Variants in GRID2 observed in about 807,000 individuals in gnomAD.
GRID2 encodes glutamate ionotropic receptor delta type subunit 2, also known as glutamate receptor ionotropic, delta-2.
A neutral mutation model predicts 114.8 loss-of-function variants in GRID2; 33 were observed. The ratio of observed to expected loss-of-function variants is 0.29; its 90% confidence interval spans 0.22 to 0.38. The LOEUF is 0.38. Among genes scored for constraint, GRID2 ranks in the 10% least tolerant of loss-of-function variants. GRID2 has a pLI of 1.00. For synonymous variants in GRID2, 505 were observed against 449.9 expected (o/e 1.12, Z -1.55); for missense variants, 1,184 against 1,257.7 (o/e 0.94, Z 0.89).
chr4:93,098,989 C>CTGTGTG (rs71579585), intron 3 of GRID2, among the ~76,000 whole-genome samples: 11,683 of 138,838 alleles, frequency 0.084, 829 homozygotes, highest in African/African-American at 0.19. Flanking sequence ...AGATCATTTC[C>CTGTGTG]TGTGTGTGTG....
intron 2 of GRID2, among the ~76,000 whole-genome samples, chr4:92,982,765 G>T (rs1446438747): frequency 6.6e-6 from 1 of 151,988 alleles, no homozygotes; most frequent in Non-Finnish European, 1.5e-5. Context: ...AATAAAGAGA[G>T]AAATAAAATA....
intron 4 of GRID2, among the ~76,000 whole-genome samples, chr4:93,165,074 G>A (rs1159305592): frequency 6.6e-6 from 1 of 151,980 alleles, no homozygotes; most frequent in African/African-American, 2.4e-5. Flanking sequence ...CTTCCTCATA[G>A]GATTGTTGGG....
chr4:93,387,653 A>G (rs1764450565), intron 8 of GRID2, among the ~76,000 whole-genome samples: 1 of 152,056 alleles, frequency 6.6e-6, no homozygotes, highest in Non-Finnish European at 1.5e-5. Context: ...AACACAGTGG[A>G]ACCCCATCTC....
At chr4:93,234,596 A>G (rs912542786) in intron 7 of GRID2, among the ~76,000 whole-genome samples, 1 of 151,622 alleles carries the variant, frequency 6.6e-6, no homozygotes, top group Non-Finnish European at 1.5e-5. Flanking sequence ...TGGCAACTCA[A>G]ATTTTCCTAG....
intron 2 of GRID2, among the ~76,000 whole-genome samples, chr4:92,840,299 A>T (rs1742790012): frequency 6.6e-6 from 1 of 151,850 alleles, no homozygotes; most frequent in South Asian, 2.1e-4. Context: ...TTTAATAGGG[A>T]AATTTAGTTC....
At chr4:92,673,084 T>C (rs771550838) in intron 2 of GRID2, among the ~76,000 whole-genome samples, 1 of 152,178 alleles carries the variant, frequency 6.6e-6, no homozygotes, top group Non-Finnish European at 1.5e-5. Flanking sequence ...CTTTGTGGGA[T>C]TGGCTTATTT....
At position 92,697,777 on chromosome 4, in the gene GRID2, T is replaced by C. The variant is rs76451947; in HGVS notation, c.244+107491T>C. 2.8e-3 allele frequency among the ~76,000 whole-genome samples: 430 copies of C among 152,196 alleles called. 12 individuals are homozygous for C. In the East Asian group the frequency reaches 0.06, roughly 21 times the overall value. On this transcript the variant is annotated intron_variant, in intron 2 of 15. Coordinates refer to ENST00000282020, the MANE Select transcript of GRID2 (RefSeq NM_001510.4). ...TGGGAAACAGCACACTCTTAATTGA[T>C]ATAGAGAAGTCAGAGACAGGTTGGG...
intron 1 of GRID2, among the ~76,000 whole-genome samples, chr4:92,390,714 G>A (rs1197843883): frequency 6.6e-6 from 1 of 152,128 alleles, no homozygotes; most frequent in Admixed American, 6.6e-5. Context: ...ATCGATGAGA[G>A]GAATCTGAAG....
chr4:93,783,726 C>T (rs1734527892), intron 1 of GRID2, among the ~76,000 whole-genome samples: 1 of 152,160 alleles, frequency 6.6e-6, no homozygotes, highest in Non-Finnish European at 1.5e-5. Context: ...TGTTAGTGAC[C>T]TTTCCAGTCT....
At chr4:93,786,762 A>G (rs898727991) in intron 1 of GRID2, among the ~76,000 whole-genome samples, 6 of 152,186 alleles carry the variant, frequency 3.9e-5, no homozygotes, top group African/African-American at 4.8e-5. Flanking sequence ...GGCTCAGCTG[A>G]GGTTAGAGGT....
chr4:92,396,657 G>T (rs1730505021), intron 1 of GRID2, among the ~76,000 whole-genome samples: 1 of 151,980 alleles, frequency 6.6e-6, no homozygotes, highest in Non-Finnish European at 1.5e-5. Flanking sequence ...GCCAACAGGT[G>T]TATAAATCGT....
chr4:93,050,358 A>G lies in GRID2; in HGVS notation c.245-34637A>G, dbSNP rs756249974. 7.9e-4 allele frequency among the ~76,000 whole-genome samples: 120 copies of G among 152,166 alleles called. 1 individual carries two copies. Among genetic ancestry groups the G allele is most frequent in the Non-Finnish European group, 1.6e-3 (110 of 67,978 alleles). Reference sequence around the variant, plus strand: ...TTCTATCCTCGTTGCTTTTTTAAAAAAATTTACCTCAGTCTTTTATACTCC... The same window carrying G: ...TTCTATCCTCGTTGCTTTTTTAAAAGAATTTACCTCAGTCTTTTATACTCC... On this transcript the variant is annotated intron_variant, in intron 2 of 15. Coordinates refer to ENST00000282020, the MANE Select transcript of GRID2 (RefSeq NM_001510.4).
chr4:92,513,114 C>T (rs958218733), intron 1 of GRID2, among the ~76,000 whole-genome samples: 1 of 151,784 alleles, frequency 6.6e-6, no homozygotes, highest in Non-Finnish European at 1.5e-5. Context: ...GTACTGTATT[C>T]GTGTATATGG....
At chr4:92,940,436 G>T (rs1344006159) in intron 2 of GRID2, among the ~76,000 whole-genome samples, 1 of 151,086 alleles carries the variant, frequency 6.6e-6, no homozygotes, top group Non-Finnish European at 1.5e-5. Context: ...AGACTTTGCT[G>T]AAGTTGCTTA....
intron 1 of GRID2, among the ~76,000 whole-genome samples, chr4:92,460,057 C>T (rs61388334): frequency 0.17 from 4,835 of 28,210 alleles, 443 homozygotes; most frequent in African/African-American, 0.37. Context: ...TATATATACA[C>T]ACACAACTTT....
intron 2 of GRID2, among the ~76,000 whole-genome samples, chr4:92,680,143 C>T (rs913547635): frequency 6.6e-6 from 1 of 151,992 alleles, no homozygotes; most frequent in Non-Finnish European, 1.5e-5. Flanking sequence ...AGCTATGAGT[C>T]TAGCAAATTG....
At chr4:92,480,413 T>A (rs2149104038) in intron 1 of GRID2, among the ~76,000 whole-genome samples, 1 of 152,280 alleles carries the variant, frequency 6.6e-6, no homozygotes, top group East Asian at 1.9e-4. Context: ...AGATAATCTA[T>A]AACTATGGGT....
At chr4:92,704,725 C>CTCTCTCTT (rs1734865345) in intron 2 of GRID2, among the ~76,000 whole-genome samples, 2 of 133,250 alleles carry the variant, frequency 1.5e-5, no homozygotes, top group Non-Finnish European at 1.6e-5. Flanking sequence ...CTCTCTCTTT[C>CTCTCTCTT]TCTCTCTCTC....
At chr4:92,448,331 T>C (rs953006712) in intron 1 of GRID2, among the ~76,000 whole-genome samples, 1 of 152,052 alleles carries the variant, frequency 6.6e-6, no homozygotes, top group African/African-American at 2.4e-5. Context: ...CATGCCACCA[T>C]GCCCATCTAA....
Sources: allele counts gnomAD v4.1 joint callset (sites outside exome capture counted in the v4.1 genomes callset), GRCh38; gene constraint gnomAD v4.1.1; transcripts MANE v1.5; gene names NCBI Gene and HGNC (gene_info 2026-07-23, HGNC 2026-07-21).